Variants in SMYD3 observed in about 807,000 individuals in gnomAD.
The protein encoded by SMYD3 is histone-lysine N-methyltransferase SMYD3.
A neutral mutation model predicts 57.7 loss-of-function variants in SMYD3; 36 were observed. That is an observed-to-expected ratio of 0.62 (90% CI 0.48 to 0.82). SMYD3 has a LOEUF of 0.82. Ranked by LOEUF, SMYD3 falls within the 40% of genes least tolerant of loss-of-function variation. The pLI, the probability that SMYD3 is intolerant of heterozygous loss-of-function variation, is 0.00. For synonymous variants in SMYD3, 211 were observed against 195.0 expected (o/e 1.08, Z -0.68); for missense variants, 515 against 538.8 (o/e 0.96, Z 0.44).
At chr1:245,957,766 T>C (rs902358267) in intron 5 of SMYD3, among the ~76,000 whole-genome samples, 1 of 152,206 alleles carries the variant, frequency 6.6e-6, no homozygotes, top group African/African-American at 2.4e-5. Context: ...AGTATCCTCA[T>C]CATCTAACTC....
At chr1:246,153,839 C>T (rs1410015297) in intron 5 of SMYD3, among the ~76,000 whole-genome samples, 3 of 152,040 alleles carry the variant, frequency 2.0e-5, no homozygotes, top group African/African-American at 7.2e-5. Context: ...TTTATTTATC[C>T]CTTAATAGCC....
chr1:246,111,492 C>T (rs765372239), intron 5 of SMYD3: 2 of 152,226 alleles, frequency 1.3e-5, no homozygotes, highest in Admixed American at 6.5e-5. Context: ...TAACACTCTA[C>T]TTCTGGATAT....
chr1:246,469,454 T>C (rs562853472), intron 1 of SMYD3, among the ~76,000 whole-genome samples: 52 of 152,294 alleles, frequency 3.4e-4, no homozygotes, highest in Middle Eastern at 3.4e-3. Flanking sequence ...GACTGGAACA[T>C]TTTGTCATTC....
chr1:246,139,312 T>C (rs187942861), intron 5 of SMYD3, among the ~76,000 whole-genome samples: 38 of 152,352 alleles, frequency 2.5e-4, no homozygotes, highest in East Asian at 1.7e-3. Flanking sequence ...TTTCAATACA[T>C]AGATTTTCTC....
At chr1:245,834,441 C>T (rs1263187837) in intron 10 of SMYD3, among the ~76,000 whole-genome samples, 5 of 152,184 alleles carry the variant, frequency 3.3e-5, no homozygotes, top group Non-Finnish European at 5.9e-5. Flanking sequence ...CATTGGACCA[C>T]TGTGAATGAG....
chr1:246,256,359 G>C (rs4654098), intron 5 of SMYD3, among the ~76,000 whole-genome samples: 38,404 of 152,018 alleles, frequency 0.25, 5,800 homozygotes, highest in Middle Eastern at 0.35. Flanking sequence ...ACACACCCAG[G>C]ATTAATGCTT....
At chr1:246,325,399 C>G (rs1256305213) in intron 5 of SMYD3, among the ~76,000 whole-genome samples, 1 of 151,942 alleles carries the variant, frequency 6.6e-6, no homozygotes, top group African/African-American at 2.4e-5. Context: ...GTACAGAAGC[C>G]ATAGGTTATT....
chr1:245,805,958 A>G (rs1404743795), intron 10 of SMYD3, among the ~76,000 whole-genome samples: 1 of 152,200 alleles, frequency 6.6e-6, no homozygotes, highest in Non-Finnish European at 1.5e-5. Flanking sequence ...AGGATAAAGA[A>G]ACCAGAATGA....
chr1:246,346,303 A>C (rs1292715612), intron 2 of SMYD3, among the ~76,000 whole-genome samples: 1 of 151,968 alleles, frequency 6.6e-6, no homozygotes, highest in Non-Finnish European at 1.5e-5. Context: ...AACAAACTAA[A>C]AAAGAACTAC....
intron 5 of SMYD3, among the ~76,000 whole-genome samples, chr1:245,960,486 G>A (rs186484676): frequency 1.5e-3 from 233 of 152,250 alleles, no homozygotes; most frequent in Non-Finnish European, 2.6e-3. Flanking sequence ...TGGGCACAGT[G>A]GCTCACACCT....
At chr1:246,316,539 TG>T (rs1558396828) in intron 5 of SMYD3, among the ~76,000 whole-genome samples, 4 of 135,106 alleles carry the variant, frequency 3.0e-5, no homozygotes, top group African/African-American at 1.1e-4. Context: ...TTTGTTGTTT[TG>T]GTTTTTTTTT....
At chr1:246,339,140 G>C (rs955150617) in intron 2 of SMYD3, among the ~76,000 whole-genome samples, 1 of 152,122 alleles carries the variant, frequency 6.6e-6, no homozygotes, top group Non-Finnish European at 1.5e-5. Context: ...TGTATTTTAA[G>C]AATTTTACCT....
intron 5 of SMYD3, among the ~76,000 whole-genome samples, chr1:246,282,431 C>T (rs1183147128): frequency 2.7e-5 from 4 of 148,306 alleles, no homozygotes; most frequent in Admixed American, 1.4e-4. Context: ...CCCAGGAGGT[C>T]GGGGCTGCAG....
chr1:246,215,145 TAA>T (rs1176794225), intron 5 of SMYD3, among the ~76,000 whole-genome samples: 1 of 152,140 alleles, frequency 6.6e-6, no homozygotes, highest in Non-Finnish European at 1.5e-5. Flanking sequence ...TAGATATGCC[TAA>T]AGAGGATGTG....
At chr1:245,751,517 G>T (rs2045353218) in intron 11 of SMYD3, among the ~76,000 whole-genome samples, 1 of 123,280 alleles carries the variant, frequency 8.1e-6, no homozygotes, top group African/African-American at 2.8e-5. Flanking sequence ...TAGATTTGCT[G>T]CTGAGAGAGA....
At chr1:246,030,624 T>C (rs1005594831) in intron 5 of SMYD3, among the ~76,000 whole-genome samples, 1 of 152,206 alleles carries the variant, frequency 6.6e-6, no homozygotes, top group African/African-American at 2.4e-5. Flanking sequence ...ATTTGATCAT[T>C]ACATATTATA....
intron 5 of SMYD3, among the ~76,000 whole-genome samples, chr1:246,009,508 G>T (rs1326512508): frequency 6.6e-6 from 1 of 152,140 alleles, no homozygotes; most frequent in East Asian, 1.9e-4. Context: ...TAACATGTAT[G>T]TGTGTATACA....
At chr1:245,887,203 C>T (rs1187967609) in intron 8 of SMYD3, among the ~76,000 whole-genome samples, 1 of 152,146 alleles carries the variant, frequency 6.6e-6, no homozygotes, top group Non-Finnish European at 1.5e-5. Flanking sequence ...TGGCCAAATC[C>T]TACCAAAACC....
chr1:246,192,850 A>G (rs1236670117), intron 5 of SMYD3, among the ~76,000 whole-genome samples: 1 of 151,944 alleles, frequency 6.6e-6, no homozygotes, highest in South Asian at 2.1e-4. Context: ...GGATCTTTAC[A>G]TTTTCTTGGC....
Sources: allele counts gnomAD v4.1 joint callset (sites outside exome capture counted in the v4.1 genomes callset), GRCh38; gene constraint gnomAD v4.1.1; transcripts MANE v1.5; gene names NCBI Gene and HGNC (gene_info 2026-07-23, HGNC 2026-07-21).